The following RET variants were observed in gnomAD, a reference collection of about 807,000 sequenced individuals.
RET encodes ret proto-oncogene, also known as proto-oncogene tyrosine-protein kinase receptor Ret.
In RET, 19 loss-of-function variants were observed where a neutral mutation model predicts 118.3. The ratio of observed to expected loss-of-function variants is 0.16; its 90% CI spans 0.11 to 0.24. The LOEUF is 0.24. Among genes scored for constraint, RET ranks in the 10% least tolerant of loss-of-function variants. RET has a pLI of 1.00. For missense variants in RET, 1,219 were observed against 1,502.1 expected (o/e 0.81, Z 3.12); for synonymous variants, 597 against 644.1 (o/e 0.93, Z 1.11).
chr10:43,098,941 C>G (rs1426582154), intron 1 of RET, among the ~76,000 whole-genome samples: 1 of 152,172 alleles, frequency 6.6e-6, no homozygotes, highest in African/African-American at 2.4e-5. Flanking sequence ...TATGGTAATT[C>G]AATTTTTAAG....
At chr10:43,126,989 G>A (rs184216110) in intron 19 of RET, 239 of 1,379,618 alleles carry the variant, frequency 1.7e-4, no homozygotes, top group Admixed American at 4.3e-4. Flanking sequence ...AGATCAGGGC[G>A]GAACTCTCAG....
chr10:43,084,545 C>G (rs761131864), intron 1 of RET, among the ~76,000 whole-genome samples: 1 of 152,204 alleles, frequency 6.6e-6, no homozygotes, highest in African/African-American at 2.4e-5. Context: ...TGCCTGTTGT[C>G]TAACTAGATG....
At chr10:43,108,291 C>A (rs1477501585) in intron 5 of RET, among the ~76,000 whole-genome samples, 1 of 152,104 alleles carries the variant, frequency 6.6e-6, no homozygotes, top group Non-Finnish European at 1.5e-5. Context: ...GAGGTCAAGG[C>A]TGCAATGAGA....
At chr10:43,080,602 T>A (rs1837158171) in intron 1 of RET, among the ~76,000 whole-genome samples, 1 of 152,082 alleles carries the variant, frequency 6.6e-6, no homozygotes, top group Non-Finnish European at 1.5e-5. Flanking sequence ...TCCAGGGAGG[T>A]TGCCCTGAGC....
At chr10:43,108,032 A>T (rs1180880348) in intron 5 of RET, among the ~76,000 whole-genome samples, 2 of 148,536 alleles carry the variant, frequency 1.3e-5, no homozygotes, top group Non-Finnish European at 3.0e-5. Flanking sequence ...TGGGTAACTT[A>T]AAAAAAAAAG....
intron 2 of RET, among the ~76,000 whole-genome samples, chr10:43,100,979 C>T (rs186842483): frequency 2.0e-5 from 3 of 152,226 alleles, no homozygotes; most frequent in African/African-American, 7.2e-5. Flanking sequence ...CTGCCAGACC[C>T]GAATCCCTCT....
intron 1 of RET, among the ~76,000 whole-genome samples, chr10:43,079,049 G>A (rs564959743): frequency 7.2e-5 from 11 of 152,310 alleles, no homozygotes; most frequent in East Asian, 5.8e-4. Flanking sequence ...TGAGCCCCTC[G>A]GTGCTCCCCA....
At chr10:43,120,010 C>A (rs2132956187) in intron 14 of RET, 71 bp from the exon 15 acceptor site, 2 of 1,599,048 alleles carry the variant, frequency 1.3e-6, no homozygotes, top group Admixed American at 1.7e-5. Context: ...CTCTGCTGGT[C>A]ACACCAGGCT....
At chr10:43,091,840 A>G (rs1837418126) in intron 1 of RET, among the ~76,000 whole-genome samples, 1 of 149,466 alleles carries the variant, frequency 6.7e-6, no homozygotes, top group African/African-American at 2.5e-5. Flanking sequence ...AAAAAAAAAA[A>G]AAAGAACCAG....
rs929556031 is a variant in RET at position 43,104,600 on chromosome 10, C to A, written c.626-352C>A. 1.4e-5 allele frequency: 6 copies of A among 423,544 alleles called. No individual in the cohort carries two copies. The Admixed American group carries it at 2.3e-4, about 16-fold the overall frequency. 26.2% of individuals were successfully genotyped at this position (423,544 alleles called of 1,614,324 possible). ...GGGCTGAGGCAAAGCCACCCTTCCC[C>A]ACACAAGGCCACTCCTGATCAAGGC... On this transcript the variant is annotated intron_variant, in intron 3 of 19. Transcript: ENST00000355710.
chr10:43,085,095 A>G (rs1837261899), intron 1 of RET, among the ~76,000 whole-genome samples: 2 of 152,346 alleles, frequency 1.3e-5, no homozygotes, highest in South Asian at 4.1e-4. Context: ...TCTGGAGGCC[A>G]GCATGGAGCT....
intron 2 of RET, among the ~76,000 whole-genome samples, chr10:43,101,253 G>A (rs1342404974): frequency 1.3e-5 from 2 of 152,162 alleles, no homozygotes; most frequent in South Asian, 2.1e-4. Context: ...AGGGGTGGGG[G>A]GGAAGCAGAG....
At position 43,104,939 on chromosome 10, in the gene RET, G is replaced by A. The variant is rs2132702549; in HGVS notation, c.626-13G>A. On this transcript the variant is annotated splice_polypyrimidine_tract_variant and intron_variant, in intron 3 of 19. Coordinates refer to ENST00000355710, the MANE Select transcript of RET (RefSeq NM_020975.6). ...TGGTGATCACGCGGGGCCCCTGTCT[G>A]CTTGGTGCGCAGGTGAGGGTCTGCC... The A allele has an allele frequency of 6.4e-7, 1 of 1,555,192 alleles. No homozygotes were observed. Among genetic ancestry groups the A allele is most frequent in the Non-Finnish European group, 8.6e-7 (1 of 1,159,120 alleles).
Position 43,114,350 on chromosome 10 carries a change from C to A in RET, c.1880-130C>A. On this transcript the variant is annotated intron_variant, in intron 10 of 19. Transcript: ENST00000355710. This position sits in a 1 kb window ranked among gnomAD's most constrained non-coding sequence, Gnocchi z 4.6. Reference sequence around the variant, plus strand: ...TGGGGTGTTCTCAGGCCTTCCCACACCTCCATGGCCACTTCCCAGCTGGCG... The same window carrying A: ...TGGGGTGTTCTCAGGCCTTCCCACAACTCCATGGCCACTTCCCAGCTGGCG... The A allele has an allele frequency of 7.7e-7, 1 of 1,296,198 alleles. No homozygotes were observed. Among genetic ancestry groups the A allele is most frequent in the Non-Finnish European group, 1.1e-6 (1 of 927,320 alleles). The allele number at this position is 1,296,198 out of a possible 1,614,324, so 80.3% of individuals were successfully genotyped here. A position where few individuals can be genotyped will look rare whatever the true frequency, so the allele number is the denominator to read the frequency against.
At chr10:43,080,570 C>T (rs1837157598) in intron 1 of RET, among the ~76,000 whole-genome samples, 1 of 152,214 alleles carries the variant, frequency 6.6e-6, no homozygotes, top group South Asian at 2.1e-4. Context: ...GGTGTGGGTC[C>T]AGGGTGGGGC....
Position 43,129,899 on chromosome 10 carries a change from A to G in RET, c.*1630A>G, listed in dbSNP as rs1468211731. On this transcript the variant is annotated 3_prime_UTR_variant, in exon 20 of 20. Coordinates refer to ENST00000355710, the MANE Select transcript of RET (RefSeq NM_020975.6). ...AGTTCTTTTACAAATATCTATAGACATGGTAAACTTTTGGTTTTCAGATAT... is the reference window on the plus strand; with the variant it reads ...AGTTCTTTTACAAATATCTATAGACGTGGTAAACTTTTGGTTTTCAGATAT... 7.5e-6 allele frequency: 3 copies of G among 398,908 alleles called. No homozygotes were observed. Among genetic ancestry groups the G allele is most frequent in the East Asian group, 3.6e-5 (1 of 28,090 alleles). 24.7% of individuals were successfully genotyped at this position (398,908 alleles called of 1,614,324 possible). A position where few individuals can be genotyped will look rare whatever the true frequency, so the allele number is the denominator to read the frequency against.
At chr10:43,083,400 A>G (rs1251162774) in intron 1 of RET, among the ~76,000 whole-genome samples, 1 of 152,298 alleles carries the variant, frequency 6.6e-6, no homozygotes, top group East Asian at 1.9e-4. Flanking sequence ...AACGCCATCT[A>G]CTATGTCCTT....
chr10:43,088,853 C>T lies in RET; in HGVS notation c.73+11522C>T, dbSNP rs139407062. On this transcript the variant is annotated intron_variant, in intron 1 of 19. Coordinates refer to ENST00000355710, the MANE Select transcript of RET (RefSeq NM_020975.6). ...GGCCCGAGGAGCTGGCCTCCTGTCT[C>T]CAACCAGCATTCACCTCCGGCCCTG... Among the ~76,000 whole-genome samples, 157 of 152,326 alleles carry T rather than the reference C, an allele frequency of 1.0e-3. 1 individual carries two copies. Among genetic ancestry groups the T allele is most frequent in the African/African-American group, 3.5e-3 (146 of 41,576 alleles).
In RET at chr10:43,120,083, C is replaced by T. The variant is rs575629307; in HGVS notation, c.2610C>T (p.Leu870=). The T allele has an allele frequency of 1.9e-5, 31 of 1,613,750 alleles. 1 individual carries two copies. The highest frequency in any genetic ancestry group is 1.6e-4 in the African/African-American group (12 of 75,048). ...QGMQYLAEMK[L]VHRDLAARNI... Reference sequence around the variant, plus strand: ...ACTCGTGCTATTTTTCCTCACAGCTCGTTCATCGGGACTTGGCAGCCAGAA... The same window carrying T: ...ACTCGTGCTATTTTTCCTCACAGCTTGTTCATCGGGACTTGGCAGCCAGAA... Residue 870 remains leucine (L), a splice_region_variant and synonymous_variant, in exon 15 of 20, where the codon CTC becomes CTT. Coordinates refer to ENST00000355710, the MANE Select transcript of RET (RefSeq NM_020975.6).
Sources: gnomAD v4.1 joint callset for allele counts (sites outside exome capture counted in the v4.1 genomes callset) on GRCh38, gnomAD v4.1.1 for gene constraint, Gnocchi (gnomAD v3.1) non-coding constraint, MANE v1.5 for transcripts, NCBI Gene and HGNC (gene_info 2026-07-23, HGNC 2026-07-21) for gene names.